NUP210: variants seen among roughly 807,000 people sequenced by gnomAD.
NUP210 encodes the protein nuclear pore membrane glycoprotein 210.
In NUP210, 151 loss-of-function variants were observed where a neutral mutation model predicts 196.0. The ratio of observed to expected loss-of-function variants is 0.77; its 90% CI spans 0.67 to 0.88. The LOEUF is 0.88. NUP210 is among the 40% of genes least tolerant of loss of function. The probability of loss-of-function intolerance (pLI) is 0.00; values close to 1 mark genes in which losing one functional copy is unlikely to be tolerated. For missense variants in NUP210, 2,314 were observed against 2,493.7 expected (o/e 0.93, Z 1.53); for synonymous variants, 1,070 against 1,052.7 (o/e 1.02, Z -0.32).
chr3:13,355,701 T>A (rs549321317), intron 16 of NUP210, among the ~76,000 whole-genome samples: 34 of 152,156 alleles, frequency 2.2e-4, no homozygotes, highest in Admixed American at 4.6e-4. Context: ...CTGCTCTGAG[T>A]AGGCCAGCAC....
intron 20 of NUP210, chr3:13,345,030 C>A: frequency 1.0e-6 from 1 of 985,432 alleles, no homozygotes; most frequent in Non-Finnish European, 1.2e-6. Context: ...CCTTCCCCTC[C>A]AGGCTGTCCC....
intron 13 of NUP210, among the ~76,000 whole-genome samples, chr3:13,369,683 T>C (rs1164084294): frequency 6.6e-6 from 1 of 152,230 alleles, no homozygotes; most frequent in East Asian, 1.9e-4. Context: ...CCTTTCCCCA[T>C]TGGACAGTCT....
chr3:13,411,417 TC>T (rs1376349674), intron 1 of NUP210, among the ~76,000 whole-genome samples: 2 of 152,248 alleles, frequency 1.3e-5, no homozygotes, highest in African/African-American at 4.8e-5. Context: ...CCCAGGCTCC[TC>T]ATTTGTACAG....
intron 18 of NUP210, 63 bp downstream of exon 18, chr3:13,353,491 A>C: frequency 1.5e-6 from 2 of 1,330,926 alleles, no homozygotes; most frequent in South Asian, 2.3e-5. Context: ...GTGGAATTTA[A>C]GCAGAAGTAG....
At chr3:13,377,926 A>C (rs1441574914) in intron 8 of NUP210, among the ~76,000 whole-genome samples, 1 of 149,476 alleles carries the variant, frequency 6.7e-6, no homozygotes, top group East Asian at 2.0e-4. Context: ...CACACCACCC[A>C]CCTGCAGGCC....
intron 17 of NUP210, 27 bp downstream of exon 17, chr3:13,353,888 G>A (rs1368199340): frequency 6.3e-7 from 1 of 1,587,576 alleles, no homozygotes; most frequent in Non-Finnish European, 8.6e-7. Context: ...TCTCCTGCCT[G>A]GGCCATCAGG....
chr3:13,379,055 G>A lies in NUP210; in HGVS notation c.977-75C>T. 8.1e-7 allele frequency: 1 copy of A among 1,235,578 alleles called. No individual in the cohort carries two copies. The highest frequency in any genetic ancestry group is 1.2e-6 in the Non-Finnish European group (1 of 835,996). 76.5% of individuals were successfully genotyped at this position (1,235,578 alleles called of 1,614,324 possible). On this transcript the variant is annotated intron_variant, in intron 7 of 39. Coordinates refer to ENST00000254508, the MANE Select transcript of NUP210 (RefSeq NM_024923.4). The surrounding 1 kb of genome is among the most constrained non-coding windows in gnomAD (Gnocchi z 4.2). The stretch of plus-strand genomic sequence containing the variant: ...GGCTGGCCAGTTTCAGCTTGGCTCA[G>A]AATCCTGATCATCAAGACATCACAT...
intron 13 of NUP210, among the ~76,000 whole-genome samples, chr3:13,370,819 AC>A (rs1698706591): frequency 6.6e-6 from 1 of 152,232 alleles, no homozygotes; most frequent in Non-Finnish European, 1.5e-5. Context: ...AGGCGATCCT[AC>A]AAACACCTCT....
At position 13,322,354 on chromosome 3, in the gene NUP210, G is replaced by A. The variant is rs755590207; in HGVS notation, c.4769-15C>T. 1.2e-6 allele frequency: 2 copies of A among 1,614,034 alleles called. No individual in the cohort carries two copies. The highest frequency in any genetic ancestry group is 2.2e-5 in the South Asian group (2 of 91,076). On this transcript the variant is annotated splice_polypyrimidine_tract_variant and intron_variant, in intron 34 of 39. Transcript: ENST00000254508. ...GGTGCACTCGCCTAGAGAGGGGAGAGACGAGAGGGTGTGGGCCAGGCCCGA... is the reference window on the plus strand; with the variant it reads ...GGTGCACTCGCCTAGAGAGGGGAGAAACGAGAGGGTGTGGGCCAGGCCCGA...
intron 33 of NUP210, among the ~76,000 whole-genome samples, chr3:13,324,706 C>T (rs925114727): frequency 6.6e-6 from 1 of 152,210 alleles, no homozygotes; most frequent in African/African-American, 2.4e-5. Context: ...AGCGACTGCT[C>T]TCTCGAGCTC....
intron 2 of NUP210, 102 bp from the exon 3 acceptor site, chr3:13,397,590 C>T: frequency 7.9e-7 from 1 of 1,269,378 alleles, no homozygotes; most frequent in Non-Finnish European, 1.0e-6. Flanking sequence ...CCACGGCAAC[C>T]ACCAGCTTCA....
chr3:13,320,055 AGGC>A, intron 36 of NUP210, 76 bp from the exon 37 acceptor site: 1 of 1,350,412 alleles, frequency 7.4e-7, no homozygotes, highest in Middle Eastern at 2.3e-4. Context: ...CAGGACCCCG[AGGC>A]GGGAGGGCTG....
At chr3:13,412,732 G>A (rs1180327187) in intron 1 of NUP210, among the ~76,000 whole-genome samples, 3 of 151,690 alleles carry the variant, frequency 2.0e-5, no homozygotes, top group African/African-American at 4.8e-5. Context: ...AAAAAAAAGG[G>A]AGGCTGAGGC....
Position 13,419,810 on chromosome 3 carries a change from G to C in NUP210, c.167+250C>G, listed in dbSNP as rs75538997. ...CCTCCTCCCGCACAACCCAGAACAC[G>C]CGGGTCACGGCCGCCAGGCTGCGCC... On this transcript the variant is annotated intron_variant, in intron 1 of 39. Transcript: ENST00000254508. Among the ~76,000 whole-genome samples the C allele has an allele frequency of 7.1e-3, 1,078 of 152,086 alleles. 17 individuals are homozygous for C. Among genetic ancestry groups the C allele is most frequent in the African/African-American group, 0.023 (941 of 41,526 alleles).
At position 13,344,410 on chromosome 3, in the gene NUP210, A is replaced by G. The variant is rs1319882734; in HGVS notation, c.2836-1107T>C. 2.6e-5 allele frequency among the ~76,000 whole-genome samples: 4 copies of G among 152,282 alleles called. No homozygotes were observed. The East Asian group carries it at 7.7e-4, about 29-fold the overall frequency. ...GTCCAGCAGGCTGCCCCACTCCTCT[A>G]TCTGGGCCTGGCTTTGTTGCTTGCT... is the stretch of plus-strand genomic sequence containing the variant. On this transcript the variant is annotated intron_variant, in intron 20 of 39. Coordinates refer to ENST00000254508, the MANE Select transcript of NUP210 (RefSeq NM_024923.4).
Position 13,420,261 on chromosome 3 carries a change from C to T in NUP210, c.-35G>A, listed in dbSNP as rs1274472363. On this transcript the variant is annotated 5_prime_UTR_variant, in exon 1 of 40. Coordinates refer to ENST00000254508, the MANE Select transcript of NUP210 (RefSeq NM_024923.4). This position sits in a 1 kb window ranked among gnomAD's most constrained non-coding sequence, Gnocchi z 4.8. ...GCGTCACCTCCCGCGACCCTGCGCC[C>T]GGCCGCCCGCGCCGCCCCGTTGCCC... The T allele has an allele frequency of 1.5e-5, 16 of 1,053,548 alleles. No homozygotes were observed. In the African/African-American group the frequency reaches 1.5e-4, roughly 10 times the overall value. 65.3% of individuals were successfully genotyped at this position (1,053,548 alleles called of 1,614,324 possible).
intron 1 of NUP210, among the ~76,000 whole-genome samples, chr3:13,417,795 T>C (rs945265810): frequency 6.6e-6 from 1 of 152,216 alleles, no homozygotes; most frequent in Non-Finnish European, 1.5e-5. Context: ...AAACACGTTA[T>C]AAGGTACTTA....
In NUP210 at chr3:13,332,418, G is replaced by T. The variant is rs375236428; in HGVS notation, c.3844-34C>A. 1.3e-5 allele frequency: 20 copies of T among 1,521,742 alleles called. No homozygotes were observed. In the Admixed American group the frequency reaches 1.5e-4, roughly 11 times the overall value. 94.3% of individuals were successfully genotyped at this position (1,521,742 alleles called of 1,614,324 possible). ...GAGGGCAAGTTTCACTTCCGATGGG[G>T]CACTGGAGTCACATTCAGGCCAGAT... On this transcript the variant is annotated intron_variant, in intron 28 of 39. Transcript: ENST00000254508.
chr3:13,335,246 A>C (rs1015119738), intron 28 of NUP210, among the ~76,000 whole-genome samples: 2 of 152,160 alleles, frequency 1.3e-5, no homozygotes, highest in African/African-American at 4.8e-5. Context: ...TCCTCTGTGA[A>C]GCCTTTGCTT....
Sources: gnomAD v4.1 joint callset for allele counts (sites outside exome capture counted in the v4.1 genomes callset) on GRCh38, gnomAD v4.1.1 for gene constraint, Gnocchi (gnomAD v3.1) non-coding constraint, MANE v1.5 for transcripts, NCBI Gene and HGNC (gene_info 2026-07-23, HGNC 2026-07-21) for gene names.